EIF3L: variants seen among roughly 807,000 people sequenced by gnomAD.
The protein encoded by EIF3L is eukaryotic translation initiation factor 3 subunit L.
A neutral mutation model predicts 74.6 loss-of-function variants in EIF3L; 32 were observed. That is an observed-to-expected ratio of 0.43 (90% CI 0.32 to 0.58). The LOEUF is 0.58. EIF3L is among the 20% of genes least tolerant of loss of function. EIF3L has a pLI of 0.06. For synonymous variants in EIF3L, 256 were observed against 254.4 expected (o/e 1.01, Z -0.06); for missense variants, 474 against 707.8 (o/e 0.67, Z 3.75).
intron 5 of EIF3L, among the ~76,000 whole-genome samples, chr22:37,861,289 C>T (rs1925843026): frequency 6.6e-6 from 1 of 152,100 alleles, no homozygotes; most frequent in South Asian, 2.1e-4. Flanking sequence ...GCCACAGGAG[C>T]CACTGTCAGT....
intron 11 of EIF3L, 163 bp from the exon 12 acceptor site, chr22:37,886,602 A>T: frequency 2.1e-6 from 1 of 478,722 alleles, no homozygotes; most frequent in Non-Finnish European, 3.8e-6. Flanking sequence ...CTCTAGAAAG[A>T]GTGAGTTACT....
intron 3 of EIF3L, among the ~76,000 whole-genome samples, chr22:37,853,596 G>A (rs1925343727): frequency 6.6e-6 from 1 of 152,140 alleles, no homozygotes; most frequent in African/African-American, 2.4e-5. Flanking sequence ...ACAATGGAGC[G>A]AGACCCTCTC....
In EIF3L at chr22:37,855,739, C is replaced by T. The variant is rs552856754; in HGVS notation, c.373+95C>T. The T allele has an allele frequency of 1.1e-5, 12 of 1,104,754 alleles. No homozygotes were observed. In the East Asian group the frequency reaches 2.5e-4, roughly 23 times the overall value. 68.4% of individuals were successfully genotyped at this position (1,104,754 alleles called of 1,614,324 possible). A position where few individuals can be genotyped will look rare whatever the true frequency, so the allele number is the denominator to read the frequency against. The stretch of plus-strand genomic sequence containing the variant: ...CAAGAGGGTCTGTGTCTGTTTTGCT[C>T]ACCATTTTGTTTCCTTGGTGCTTGG... On this transcript the variant is annotated intron_variant, in intron 4 of 12. Coordinates refer to ENST00000652021, the MANE Select transcript of EIF3L (RefSeq NM_016091.4).
At chr22:37,878,412 T>A in intron 11 of EIF3L, 5 of 232,834 alleles carry the variant, frequency 2.1e-5, no homozygotes, top group Non-Finnish European at 3.2e-5. Flanking sequence ...AGACCTTTTC[T>A]CTATTAAAAA....
At position 37,878,008 on chromosome 22, in the gene EIF3L, C is replaced by T. The variant is rs1459541368; in HGVS notation, c.1412C>T (p.Pro471Leu). The T allele has an allele frequency of 1.2e-6, 2 of 1,613,744 alleles. No individual in the cohort carries two copies. The highest frequency in any genetic ancestry group is 2.2e-5 in the East Asian group (1 of 44,872). ...TTCCTGAAGCTCTACACCACCATGC[C>T]TGTGGCCAAGCTGGCTGGCTTCCTG... ...RSFLKLYTTM[P>L]VAKLAGFLDL... is the part of the protein sequence containing the mutation. The change falls in exon 11 of 13, where the codon CCT becomes CTT. Residue 471 changes from proline (P) to leucine (L), a missense_variant. Pro to Leu is a moderately conservative substitution (Grantham distance 98). Around this residue, in one of 4 missense-constraint regions of EIF3L, gnomAD observed 293 missense variants for 469.1 expected, o/e 0.62. Coordinates refer to ENST00000652021, the MANE Select transcript of EIF3L (RefSeq NM_016091.4).
chr22:37,874,695 G>A (rs988757278), intron 9 of EIF3L, among the ~76,000 whole-genome samples, 171 bp downstream of exon 9: 2 of 152,086 alleles, frequency 1.3e-5, no homozygotes, highest in African/African-American at 4.8e-5. Context: ...AGCTAGACCT[G>A]GACGATTTTG....
At chr22:37,851,035 AC>A (rs1274652200) in intron 2 of EIF3L, among the ~76,000 whole-genome samples, 5 of 152,196 alleles carry the variant, frequency 3.3e-5, no homozygotes, top group Non-Finnish European at 5.9e-5. Context: ...GAGATTCCTG[AC>A]TTCCTAGACT....
intron 10 of EIF3L, chr22:37,877,274 T>G: frequency 5.4e-6 from 1 of 184,000 alleles, no homozygotes; most frequent in Non-Finnish European, 1.2e-5. Flanking sequence ...ATCCTATATG[T>G]GGCCCATGGC....
intron 1 of EIF3L, 96 bp from the exon 2 acceptor site, chr22:37,849,917 CTG>C (rs1925081083): frequency 5.2e-6 from 7 of 1,356,102 alleles, no homozygotes; most frequent in Non-Finnish European, 7.4e-6. Context: ...TTATTCGCCT[CTG>C]TATCCTTAGC....
rs551446983 is a variant in EIF3L, at chr22:37,850,975, C to T, written c.83-305C>T. Among the ~76,000 whole-genome samples the T allele has an allele frequency of 1.4e-3, 207 of 152,284 alleles. 1 individual carries two copies. Among genetic ancestry groups the T allele is most frequent in the African/African-American group, 4.6e-3 (193 of 41,540 alleles). On this transcript the variant is annotated intron_variant, in intron 2 of 12. Transcript: ENST00000652021. ...CCAACAGTCTTGCCTCTCTCCCCTC[C>T]AACGCACACTTTTCTAGGCCCTGAG...
At chr22:37,865,535 G>T (rs1411420223) in intron 7 of EIF3L, among the ~76,000 whole-genome samples, 3 of 152,056 alleles carry the variant, frequency 2.0e-5, no homozygotes, top group Admixed American at 6.6e-5. Context: ...GCTGTCTATA[G>T]CTCTAACTGA....
intron 8 of EIF3L, among the ~76,000 whole-genome samples, chr22:37,873,800 A>G (rs1289273583): frequency 2.0e-5 from 3 of 152,158 alleles, no homozygotes; most frequent in East Asian, 1.9e-4. Context: ...GGGCTCAAGC[A>G]CATCCTCCCA....
chr22:37,849,684 T>A, intron 1 of EIF3L: 1 of 633,642 alleles, frequency 1.6e-6, no homozygotes, highest in South Asian at 1.9e-5. Flanking sequence ...GATTGGCTTG[T>A]CCTTCCCCTT....
chr22:37,854,888 A>G (rs1285140028), intron 3 of EIF3L, among the ~76,000 whole-genome samples: 1 of 151,892 alleles, frequency 6.6e-6, no homozygotes, highest in African/African-American at 2.4e-5. Flanking sequence ...CGATACCCCT[A>G]TCTTGTCCTC....
chr22:37,878,946 G>GTT (rs1240043643), intron 11 of EIF3L: 92 of 130,384 alleles, frequency 7.1e-4, no homozygotes, highest in African/African-American at 1.1e-3. Context: ...TAGTGTTTTG[G>GTT]TTTTTTTTTT....
At position 37,876,530 on chromosome 22, in the gene EIF3L, C is replaced by T. The variant is rs538379709; in HGVS notation, c.1077+519C>T. 6.6e-5 allele frequency: 10 copies of T among 152,436 alleles called. No homozygotes were observed. In the East Asian group the frequency reaches 1.7e-3, roughly 26 times the overall value. The allele number at this position is 152,436 out of a possible 1,614,324, so 9.4% of individuals were successfully genotyped here. A position where few individuals can be genotyped will look rare whatever the true frequency, so the allele number is the denominator to read the frequency against. On this transcript the variant is annotated intron_variant, in intron 10 of 12. Transcript: ENST00000652021. ...GGCCAGGCTGGTCTCGAACTCCTGA[C>T]CTCAGGCGATCCATCCACCTCAGCC...
At chr22:37,862,843 A>G (rs928640854) in intron 5 of EIF3L, 126 bp from the exon 6 acceptor site, 5 of 684,584 alleles carry the variant, frequency 7.3e-6, no homozygotes, top group Non-Finnish European at 1.2e-5. Flanking sequence ...TTGCATATTT[A>G]CATAGTAAGA....
chr22:37,888,748 ATTTTGTGC>A lies in EIF3L; in HGVS notation c.*290_*297del. The stretch of plus-strand genomic sequence containing the variant: ...TTAGTGTTTAAATTGAGTTATTTTT[ATTTTGTGC>A]TTTTGAGATGGAGTCTCACTCTGTC... On this transcript the variant is annotated 3_prime_UTR_variant, in exon 13 of 13. Coordinates refer to ENST00000652021, the MANE Select transcript of EIF3L (RefSeq NM_016091.4). The A allele has an allele frequency of 2.6e-6, 1 of 389,564 alleles. No individual in the cohort carries two copies. The highest frequency in any genetic ancestry group is 4.6e-6 in the Non-Finnish European group (1 of 216,664). 24.1% of individuals were successfully genotyped at this position (389,564 alleles called of 1,614,324 possible). A position where few individuals can be genotyped will look rare whatever the true frequency, so the allele number is the denominator to read the frequency against.
At chr22:37,882,444 T>TG (rs957035969) in intron 11 of EIF3L, 1 of 151,898 alleles carries the variant, frequency 6.6e-6, no homozygotes. Flanking sequence ...GAGGCCAAGG[T>TG]GGGTAGATCA....
Sources: gnomAD v4.1 joint callset for allele counts (sites outside exome capture counted in the v4.1 genomes callset) on GRCh38, gnomAD v4.1.1 for gene constraint, gnomAD v4.1.1 regional missense constraint, MANE v1.5 for transcripts, NCBI Gene and HGNC (gene_info 2026-07-23, HGNC 2026-07-21) for gene names.